Variants in EIF3E observed in about 807,000 individuals in gnomAD.
EIF3E encodes the protein eIF-3 p48.
EIF3E carries 25 observed loss-of-function variants against 59.3 expected under a neutral mutation model. That is an observed-to-expected ratio of 0.42 (90% CI 0.31 to 0.59). The LOEUF is 0.59. EIF3E is among the 20% of genes least tolerant of loss of function. EIF3E has a pLI of 0.15. For synonymous variants in EIF3E, 176 were observed against 170.2 expected (o/e 1.03, Z -0.26); for missense variants, 317 against 534.3 (o/e 0.59, Z 4.01).
intron 7 of EIF3E, 99 bp from the exon 8 acceptor site, chr8:108,217,559 A>G: frequency 1.1e-6 from 1 of 928,256 alleles, no homozygotes; most frequent in Non-Finnish European, 1.6e-6. Context: ...CTAGCCTAAG[A>G]CTGCAAACAC....
chr8:108,215,610 T>A (rs776848061), intron 9 of EIF3E, among the ~76,000 whole-genome samples: 1 of 151,968 alleles, frequency 6.6e-6, no homozygotes, highest in Admixed American at 6.6e-5. Flanking sequence ...AGAGTGAGAC[T>A]CTGTCTGAAA....
At chr8:108,228,830 A>T (rs1815569194) in intron 6 of EIF3E, among the ~76,000 whole-genome samples, 1 of 152,212 alleles carries the variant, frequency 6.6e-6, no homozygotes, top group Non-Finnish European at 1.5e-5. Context: ...AGGGCACAGT[A>T]GCTGTAAAAC....
chr8:108,208,197 C>T (rs565425778), intron 10 of EIF3E, among the ~76,000 whole-genome samples: 1 of 152,178 alleles, frequency 6.6e-6, no homozygotes, highest in South Asian at 2.1e-4. Context: ...GATATTTCAC[C>T]TGTCTTATTA....
intron 10 of EIF3E, among the ~76,000 whole-genome samples, chr8:108,204,731 G>GTATATATATATATATATATATATATA (rs148053969): frequency 6.9e-5 from 6 of 86,774 alleles, no homozygotes; most frequent in Non-Finnish European, 1.2e-4. Flanking sequence ...TAGTATGTAT[G>GTATATATATATATATATATATATATA]TATATATATA....
chr8:108,204,776 G>C (rs1339455384), intron 10 of EIF3E, among the ~76,000 whole-genome samples: 3 of 124,580 alleles, frequency 2.4e-5, no homozygotes, highest in African/African-American at 1.1e-4. Context: ...GAGAGAGAGA[G>C]AGAGACAGAG....
rs144579318 is a variant in EIF3E at position 108,240,753 on chromosome 8, G to A, written c.206-678C>T. On this transcript the variant is annotated intron_variant, in intron 2 of 12. Coordinates refer to ENST00000220849, the MANE Select transcript of EIF3E (RefSeq NM_001568.3). ...CCCCAGCAACTTGGGAGGCCAAGGC[G>A]GGCTGATCACGAGGTCAGGAGTTCA... Among the ~76,000 whole-genome samples the A allele has an allele frequency of 5.9e-3, 897 of 152,264 alleles. 12 individuals carry two copies. Among genetic ancestry groups the A allele is most frequent in the African/African-American group, 0.02 (832 of 41,554 alleles).
At chr8:108,214,193 TCATA>T in intron 10 of EIF3E, among the ~76,000 whole-genome samples, 1 of 152,310 alleles carries the variant, frequency 6.6e-6, no homozygotes, top group African/African-American at 2.4e-5. Flanking sequence ...TGTAATTAAA[TCATA>T]CAAACTAAAT....
At position 108,229,058 on chromosome 8, in the gene EIF3E, A is replaced by G; in HGVS notation, c.597+12T>C. On this transcript the variant is annotated intron_variant, in intron 6 of 12. Transcript: ENST00000220849. ...ATATTTCAGAGAATAACTGTGAAAA[A>G]GTCGAACTCACATTATTATCTATGG... 6.3e-7 allele frequency: 1 copy of G among 1,588,866 alleles called. No homozygotes were observed.
At position 108,203,985 on chromosome 8, in the gene EIF3E, GTA is replaced by G. The variant is rs1815043861; in HGVS notation, c.1062-484_1062-483del. On this transcript the variant is annotated intron_variant, in intron 10 of 12. Coordinates refer to ENST00000220849, the MANE Select transcript of EIF3E (RefSeq NM_001568.3). ...ATAATACAAATGAAAAACCAATACAGTATAACACCTATTTACATAGCATTTAC... is the reference window on the plus strand; with the variant it reads ...ATAATACAAATGAAAAACCAATACAGTAACACCTATTTACATAGCATTTAC... Among the ~76,000 whole-genome samples the G allele has an allele frequency of 2.6e-5, 4 of 152,058 alleles. No individual in the cohort carries two copies. In the South Asian group the frequency reaches 8.3e-4, roughly 32 times the overall value.
intron 12 of EIF3E, 65 bp from the exon 13 acceptor site, chr8:108,201,988 G>A: frequency 7.0e-6 from 10 of 1,425,798 alleles, no homozygotes; most frequent in Non-Finnish European, 8.5e-6. Flanking sequence ...AACTAACATA[G>A]AAGAAAGTAA....
chr8:108,244,418 T>C (rs1815906133), intron 1 of EIF3E, among the ~76,000 whole-genome samples: 1 of 152,196 alleles, frequency 6.6e-6, no homozygotes, highest in Admixed American at 6.5e-5. Context: ...TTTTGCTGTC[T>C]CTTCCTCTGC....
intron 10 of EIF3E, among the ~76,000 whole-genome samples, chr8:108,206,526 T>C (rs939987374): frequency 8.6e-5 from 13 of 151,918 alleles, no homozygotes; most frequent in African/African-American, 2.9e-4. Context: ...ATTCCAACAC[T>C]TTGGGAGGCT....
At chr8:108,230,329 A>C (rs1370139469) in intron 5 of EIF3E, among the ~76,000 whole-genome samples, 1 of 152,158 alleles carries the variant, frequency 6.6e-6, no homozygotes, top group Non-Finnish European at 1.5e-5. Context: ...TGTATAGTTT[A>C]AGTGACATAA....
At chr8:108,211,282 C>T (rs112934800) in intron 10 of EIF3E, among the ~76,000 whole-genome samples, 3,185 of 152,030 alleles carry the variant, frequency 0.021, 123 homozygotes, top group African/African-American at 0.072. Context: ...TTTTAATGAT[C>T]GCCATTCTAA....
chr8:108,227,729 G>A (rs1815541615), intron 7 of EIF3E: 1 of 152,166 alleles, frequency 6.6e-6, no homozygotes, highest in South Asian at 2.1e-4. Context: ...GAAATAATGG[G>A]CAGAAGTTTC....
chr8:108,222,264 A>G (rs1815432904), intron 7 of EIF3E, among the ~76,000 whole-genome samples: 1 of 152,172 alleles, frequency 6.6e-6, no homozygotes, highest in African/African-American at 2.4e-5. Context: ...GGCAGGCTTC[A>G]AAACCCCTGG....
intron 7 of EIF3E, chr8:108,227,431 G>A (rs1168007722): frequency 2.0e-5 from 3 of 152,156 alleles, no homozygotes; most frequent in East Asian, 3.8e-4. Context: ...GGCTATATTA[G>A]TAAAAGCATA....
intron 10 of EIF3E, among the ~76,000 whole-genome samples, chr8:108,204,189 A>G (rs942132408): frequency 2.0e-5 from 3 of 152,062 alleles, no homozygotes; most frequent in African/African-American, 7.2e-5. Flanking sequence ...ATGGTTATAC[A>G]AAGTAAACCT....
intron 10 of EIF3E, among the ~76,000 whole-genome samples, chr8:108,204,420 G>T (rs998741203): frequency 6.6e-6 from 1 of 151,896 alleles, no homozygotes; most frequent in Admixed American, 6.6e-5. Context: ...GAAACTGGAG[G>T]CCATTATTCT....
Sources: gnomAD v4.1 joint callset for allele counts (sites outside exome capture counted in the v4.1 genomes callset) on GRCh38, gnomAD v4.1.1 for gene constraint, MANE v1.5 for transcripts, NCBI Gene and HGNC (gene_info 2026-07-23, HGNC 2026-07-21) for gene names.